The following KCNQ1OT1 variants were observed in gnomAD, a reference collection of about 807,000 sequenced individuals.
The protein encoded by KCNQ1OT1 is KCNQ1 antisense RNA 2 (non-protein coding).
Position 2,668,773 on chromosome 11 carries a change from G to A in KCNQ1OT1, n.31222C>T, listed in dbSNP as rs1590020208. 4 of 398,552 alleles carry A rather than the reference G, an allele frequency of 1.0e-5. No individual in the cohort carries two copies. The East Asian group carries it at 1.4e-4, about 14-fold the overall frequency. 24.7% of individuals were successfully genotyped at this position (398,552 alleles called of 1,614,324 possible). On this transcript the variant is annotated non_coding_transcript_exon_variant, in exon 1 of 1. Transcript: ENST00000597346. This position sits in a 1 kb window ranked among gnomAD's most constrained non-coding sequence, Gnocchi z 4.3. ...GCTGCCTTCTTCCTCTCTTGATGGTGTCTTTTGATGAACAGAAGGTCTTAA... is the reference window on the plus strand; with the variant it reads ...GCTGCCTTCTTCCTCTCTTGATGGTATCTTTTGATGAACAGAAGGTCTTAA...
At chr11:2,643,898 T>C (rs1390763263) in exon 1 of KCNQ1OT1, 2 of 398,470 alleles carry the variant, frequency 5.0e-6, no homozygotes, top group African/African-American at 4.1e-5. Context: ...TTTGGTTTTG[T>C]TTTTTCTTTC....
chr11:2,684,685 C>T lies in KCNQ1OT1; in HGVS notation n.15310G>A, dbSNP rs1005811900. 1.3e-5 allele frequency: 5 copies of T among 398,468 alleles called. No homozygotes were observed. In the South Asian group the frequency reaches 5.1e-4, roughly 41 times the overall value. The allele number at this position is 398,468 out of a possible 1,614,324, so 24.7% of individuals were successfully genotyped here. A position where few individuals can be genotyped will look rare whatever the true frequency, so the allele number is the denominator to read the frequency against. On this transcript the variant is annotated non_coding_transcript_exon_variant, in exon 1 of 1. Coordinates refer to ENST00000597346, the Ensembl canonical transcript of KCNQ1OT1. Reference sequence around the variant, plus strand: ...GTTGGATGTGCAGGGAGCTAGTGGCCAACTGAGCACTTGCTCAGGCGGAGG... The same window carrying T: ...GTTGGATGTGCAGGGAGCTAGTGGCTAACTGAGCACTTGCTCAGGCGGAGG...
chr11:2,675,801 G>A, exon 1 of KCNQ1OT1: 1 of 398,724 alleles, frequency 2.5e-6, no homozygotes, highest in East Asian at 3.6e-5. Context: ...GGGCATACCA[G>A]CCACGTGCAT....
At position 2,654,500 on chromosome 11, in the gene KCNQ1OT1, C is replaced by T. The variant is rs1849807056; in HGVS notation, n.45495G>A. On this transcript the variant is annotated non_coding_transcript_exon_variant, in exon 1 of 1. Coordinates refer to ENST00000597346, the Ensembl canonical transcript of KCNQ1OT1. The surrounding 1 kb of genome is among the most constrained non-coding windows in gnomAD (Gnocchi z 6.4). ...GCAGCCGTACAGGGGAGGGGGCAAT[C>T]TCCGGAGCCCTGGAAAGCTTGTGGA... 2 of 398,638 alleles carry T rather than the reference C, an allele frequency of 5.0e-6. No homozygotes were observed. The highest frequency in any genetic ancestry group is 8.8e-6 in the Non-Finnish European group (2 of 226,232). 24.7% of individuals were successfully genotyped at this position (398,638 alleles called of 1,614,324 possible). A position where few individuals can be genotyped will look rare whatever the true frequency, so the allele number is the denominator to read the frequency against.
At chr11:2,696,995 A>G (rs1482701988) in exon 1 of KCNQ1OT1, 3 of 398,226 alleles carry the variant, frequency 7.5e-6, no homozygotes, top group Non-Finnish European at 8.8e-6. Flanking sequence ...TAGCCCAGTA[A>G]TTTTCAAAGT....
exon 1 of KCNQ1OT1, chr11:2,650,530 G>C: frequency 5.0e-6 from 2 of 398,680 alleles, no homozygotes; most frequent in Non-Finnish European, 8.8e-6. Flanking sequence ...CACATCAGTG[G>C]TATCTGCAAG....
At chr11:2,639,822 G>C (rs556429426) in exon 1 of KCNQ1OT1, 1 of 152,702 alleles carries the variant, frequency 6.5e-6, no homozygotes, top group African/African-American at 2.4e-5. Context: ...GGAGTCTACA[G>C]AGGCAGGCAG....
chr11:2,656,538 C>T (rs941998485), exon 1 of KCNQ1OT1: 20 of 398,678 alleles, frequency 5.0e-5, no homozygotes, highest in African/African-American at 1.2e-4. Flanking sequence ...GCTAGTCAGG[C>T]GCAACACCTT....
chr11:2,613,827 G>C lies in KCNQ1OT1; in HGVS notation n.86168C>G. 2.5e-6 allele frequency: 1 copy of C among 398,352 alleles called. No homozygotes were observed. The highest frequency in any genetic ancestry group is 4.4e-6 in the Non-Finnish European group (1 of 226,002). 24.7% of individuals were successfully genotyped at this position (398,352 alleles called of 1,614,324 possible). A position where few individuals can be genotyped will look rare whatever the true frequency, so the allele number is the denominator to read the frequency against. The stretch of plus-strand genomic sequence containing the variant: ...TCCCCCTACCCATTATAGGTAACCA[G>C]TTTCAGTGTTTTCTAGTTTATAGTT... On this transcript the variant is annotated non_coding_transcript_exon_variant, in exon 1 of 1. Transcript: ENST00000597346. This position sits in a 1 kb window ranked among gnomAD's most constrained non-coding sequence, Gnocchi z 4.8.
At chr11:2,696,478 G>A (rs187064875) in exon 1 of KCNQ1OT1, 75 of 398,636 alleles carry the variant, frequency 1.9e-4, no homozygotes, top group East Asian at 7.5e-4. Context: ...TGAAGTTGGC[G>A]TGTGCCCTGG....
exon 1 of KCNQ1OT1, chr11:2,622,524 T>A (rs1261950557): frequency 5.0e-6 from 2 of 398,342 alleles, no homozygotes; most frequent in East Asian, 3.6e-5. Context: ...TTTTGGAGAA[T>A]TTAATCGACT....
chr11:2,623,044 G>T lies in KCNQ1OT1; in HGVS notation n.76951C>A, dbSNP rs931477954. On this transcript the variant is annotated non_coding_transcript_exon_variant, in exon 1 of 1. Transcript: ENST00000597346. This position sits in a 1 kb window ranked among gnomAD's most constrained non-coding sequence, Gnocchi z 5.2. ...TGTGTCAGGGGAGGGGCCTGGTGGG[G>T]GGCAAACTTCCCCCTTGCTGTTCTC... The T allele has an allele frequency of 1.8e-5, 7 of 398,572 alleles. No homozygotes were observed. The Admixed American group carries it at 2.2e-4, about 13-fold the overall frequency. 24.7% of individuals were successfully genotyped at this position (398,572 alleles called of 1,614,324 possible).
At chr11:2,692,128 C>G (rs1850598181) in exon 1 of KCNQ1OT1, 1 of 398,612 alleles carries the variant, frequency 2.5e-6, no homozygotes, top group South Asian at 1.3e-4. Flanking sequence ...ATAGCCCACT[C>G]TACTGAAGGC....
At chr11:2,686,185 C>A in exon 1 of KCNQ1OT1, 2 of 398,888 alleles carry the variant, frequency 5.0e-6, no homozygotes, top group South Asian at 1.3e-4. Context: ...AATGCCTACT[C>A]ATCCTGCCCA....
Position 2,671,192 on chromosome 11 carries a change from A to G in KCNQ1OT1, n.28803T>C, listed in dbSNP as rs1193241511. The G allele has an allele frequency of 1.3e-5, 5 of 398,538 alleles. No homozygotes were observed. The highest frequency in any genetic ancestry group is 1.0e-4 in the African/African-American group (5 of 48,608). The allele number at this position is 398,538 out of a possible 1,614,324, so 24.7% of individuals were successfully genotyped here. A position where few individuals can be genotyped will look rare whatever the true frequency, so the allele number is the denominator to read the frequency against. ...GGGCCTTGTTAGGAGAAAAGGAAAG[A>G]AAAATAAAAGGTAGAGAGACAGAGG... On this transcript the variant is annotated non_coding_transcript_exon_variant, in exon 1 of 1. Coordinates refer to ENST00000597346, the Ensembl canonical transcript of KCNQ1OT1. The surrounding 1 kb of genome is among the most constrained non-coding windows in gnomAD (Gnocchi z 4.7).
In KCNQ1OT1 at chr11:2,617,885, A is replaced by G. The variant is rs1381966682; in HGVS notation, n.82110T>C. ...TGCCCATTTTTTAATTGGGTTATCT[A>G]TTTTCTTGTTATTGAGTTGTATGCA... On this transcript the variant is annotated non_coding_transcript_exon_variant, in exon 1 of 1. Coordinates refer to ENST00000597346, the Ensembl canonical transcript of KCNQ1OT1. This position sits in a 1 kb window ranked among gnomAD's most constrained non-coding sequence, Gnocchi z 4.6. 1.3e-5 allele frequency: 5 copies of G among 398,088 alleles called. No individual in the cohort carries two copies. Among genetic ancestry groups the G allele is most frequent in the Admixed American group, 8.8e-5 (2 of 22,696 alleles). 24.7% of individuals were successfully genotyped at this position (398,088 alleles called of 1,614,324 possible). A position where few individuals can be genotyped will look rare whatever the true frequency, so the allele number is the denominator to read the frequency against.
chr11:2,692,616 A>T, exon 1 of KCNQ1OT1: 2 of 398,618 alleles, frequency 5.0e-6, no homozygotes, highest in East Asian at 7.1e-5. Flanking sequence ...CCTGCTATAC[A>T]CCTGCTGTGC....
rs556567886 is a variant in KCNQ1OT1 at position 2,621,395 on chromosome 11, C to T, written n.78600G>A. 2.8e-5 allele frequency: 11 copies of T among 398,472 alleles called. No individual in the cohort carries two copies. The highest frequency in any genetic ancestry group is 1.3e-4 in the South Asian group (1 of 7,836). 24.7% of individuals were successfully genotyped at this position (398,472 alleles called of 1,614,324 possible). On this transcript the variant is annotated non_coding_transcript_exon_variant, in exon 1 of 1. Transcript: ENST00000597346. The surrounding 1 kb of genome is among the most constrained non-coding windows in gnomAD (Gnocchi z 5.7). ...CCTTTGCCAATTCAATTGGATTATT[C>T]GTTTTTTGCTTGTTGATTGGTTTAA...
chr11:2,617,978 A>G lies in KCNQ1OT1; in HGVS notation n.82017T>C, dbSNP rs1589984280. 2.5e-6 allele frequency: 1 copy of G among 398,524 alleles called. No homozygotes were observed. Among genetic ancestry groups the G allele is most frequent in the East Asian group, 3.6e-5 (1 of 28,076 alleles). 24.7% of individuals were successfully genotyped at this position (398,524 alleles called of 1,614,324 possible). Reference sequence around the variant, plus strand: ...GTTGGCAAATATTTTCTTCTAGTCCATAGGTTGCCTTTTCCTTTTGTTGAC... The same window carrying G: ...GTTGGCAAATATTTTCTTCTAGTCCGTAGGTTGCCTTTTCCTTTTGTTGAC... On this transcript the variant is annotated non_coding_transcript_exon_variant, in exon 1 of 1. Transcript: ENST00000597346. The surrounding 1 kb of genome is among the most constrained non-coding windows in gnomAD (Gnocchi z 4.6).
Sources: gnomAD v4.1 joint callset for allele counts on GRCh38, gnomAD v4.1.1 for gene constraint, Gnocchi (gnomAD v3.1) non-coding constraint, MANE v1.5 for transcripts, NCBI Gene and HGNC (gene_info 2026-07-23, HGNC 2026-07-21) for gene names.